The following FRMPD4 variants were observed in gnomAD, a reference collection of about 807,000 sequenced individuals.
FRMPD4 encodes the protein FERM and PDZ domain containing 4.
In FRMPD4, 22 loss-of-function variants were observed where a neutral mutation model predicts 94.1. The observed-to-expected ratio is 0.23, with a 90% CI of 0.17 to 0.33. The LOEUF (loss-of-function observed/expected upper bound fraction) is 0.33. Ranked by LOEUF, FRMPD4 falls within the 10% of genes least tolerant of loss-of-function variation. FRMPD4 has a pLI of 1.00. For missense variants in FRMPD4, 1,111 were observed against 1,339.9 expected, an observed-to-expected ratio of 0.83 and a Z score of 2.67; for synonymous variants, 631 against 548.6, an observed-to-expected ratio of 1.15 and a Z score of -2.10.
intron 3 of FRMPD4, among the ~76,000 whole-genome samples, chrX:11,892,004 T>TTTGA (rs1374184188): frequency 1.8e-5 from 2 of 112,428 alleles, no homozygotes; most frequent in Non-Finnish European, 3.8e-5. Flanking sequence ...CATTTTGTGC[T>TTTGA]TTATCAGAGG....
chrX:11,963,535 T>G (rs866998907), intron 3 of FRMPD4, among the ~76,000 whole-genome samples: 9 of 112,282 alleles, frequency 8.0e-5, no homozygotes, highest in Middle Eastern at 4.6e-3. Flanking sequence ...TCAAATAAAT[T>G]TATTCATCTA....
At chrX:11,956,288 A>G (rs893811351) in intron 3 of FRMPD4, among the ~76,000 whole-genome samples, 10 of 111,208 alleles carry the variant, frequency 9.0e-5, no homozygotes, top group Non-Finnish European at 1.9e-4. Flanking sequence ...TTAGTGCTCC[A>G]TTTTCCCTAC....
chrX:12,657,831 G>C (rs1036796008), intron 4 of FRMPD4, among the ~76,000 whole-genome samples: 7 of 112,534 alleles, frequency 6.2e-5, no homozygotes, highest in African/African-American at 2.3e-4. Context: ...CTAAACTGCA[G>C]GTTCTTAAAT....
At position 11,915,554 on chromosome X, in the gene FRMPD4, A is replaced by G. The variant is rs763309244; in HGVS notation, c.95+37536A>G. Among the ~76,000 whole-genome samples the G allele has an allele frequency of 5.3e-5, 6 of 112,805 alleles. No individual in the cohort carries two copies. The South Asian group carries it at 2.2e-3, about 41-fold the overall frequency. The stretch of plus-strand genomic sequence containing the variant: ...AGCTGTGCTGTCCAATATGGTAGCA[A>G]CTAGCTACATGTGGCTATTTAAATG... On this transcript the variant is annotated intron_variant, in intron 3 of 18. Coordinates refer to the FRMPD4 transcript ENST00000640291.
intron 3 of FRMPD4, among the ~76,000 whole-genome samples, chrX:11,984,564 A>G (rs753739051): frequency 8.9e-6 from 1 of 112,142 alleles, no homozygotes; most frequent in South Asian, 3.7e-4. Context: ...CTTGACTTTA[A>G]TTTTTCAGCC....
intron 3 of FRMPD4, among the ~76,000 whole-genome samples, chrX:11,948,384 A>C (rs1011012641): frequency 2.7e-5 from 3 of 111,335 alleles, no homozygotes; most frequent in Non-Finnish European, 5.7e-5. Context: ...TCTTTTTGCT[A>C]TTTAAGAATG....
intron 1 of FRMPD4, among the ~76,000 whole-genome samples, chrX:12,443,777 G>A (rs180969313): frequency 1.8e-5 from 2 of 111,824 alleles, no homozygotes; most frequent in Admixed American, 1.9e-4. Context: ...AATGTGGGAC[G>A]CAGATGTTTT....
intron 1 of FRMPD4, among the ~76,000 whole-genome samples, chrX:11,831,028 A>G (rs2053471717): frequency 9.1e-6 from 1 of 110,322 alleles, no homozygotes; most frequent in African/African-American, 3.3e-5. Flanking sequence ...GAAATATCTT[A>G]TTTTGATAAA....
intron 3 of FRMPD4, among the ~76,000 whole-genome samples, chrX:11,967,307 G>C (rs137974810): frequency 1.7e-3 from 187 of 111,406 alleles, no homozygotes; most frequent in African/African-American, 5.9e-3. Context: ...TTCCGCTAAT[G>C]ATCTCCCCTA....
chrX:12,224,681 C>T, intron 1 of FRMPD4, among the ~76,000 whole-genome samples: 1 of 111,621 alleles, frequency 9.0e-6, no homozygotes, highest in East Asian at 2.8e-4. Context: ...CCACAAGTCT[C>T]TCTCAGTAAG....
chrX:12,083,635 C>G (rs1043519012), intron 3 of FRMPD4, among the ~76,000 whole-genome samples: 7 of 112,513 alleles, frequency 6.2e-5, no homozygotes, highest in Middle Eastern at 4.6e-3. Flanking sequence ...CATAGACACT[C>G]AATGCCAGCC....
At chrX:12,283,815 T>G (rs2054561527) in intron 1 of FRMPD4, among the ~76,000 whole-genome samples, 2 of 111,728 alleles carry the variant, frequency 1.8e-5, no homozygotes, top group Admixed American at 9.5e-5. Flanking sequence ...AAATCTCCAT[T>G]TGAATGAAGA....
upstream of FRMPD4, among the ~76,000 whole-genome samples, chrX:12,138,225 C>T (rs765922438): frequency 8.9e-6 from 1 of 112,814 alleles, no homozygotes; most frequent in East Asian, 2.8e-4. Context: ...ATCCCTGCTC[C>T]TTCCGAACGC....
chrX:12,540,557 G>C (rs1195091434), intron 2 of FRMPD4, among the ~76,000 whole-genome samples: 2 of 111,877 alleles, frequency 1.8e-5, no homozygotes, highest in Non-Finnish European at 3.8e-5. Flanking sequence ...AAATATATAT[G>C]CACCCAACAC....
upstream of FRMPD4, among the ~76,000 whole-genome samples, chrX:12,133,514 T>G (rs967734030): frequency 4.5e-5 from 5 of 111,581 alleles, no homozygotes; most frequent in Non-Finnish European, 9.4e-5. Flanking sequence ...AGCCTCAACC[T>G]CCTGGGCTCA....
At chrX:11,858,296 T>G (rs1020131668) in intron 1 of FRMPD4, among the ~76,000 whole-genome samples, 12 of 111,799 alleles carry the variant, frequency 1.1e-4, no homozygotes, top group Admixed American at 6.7e-4. Context: ...AGACATGGAA[T>G]CAACCTAAGA....
intron 3 of FRMPD4, among the ~76,000 whole-genome samples, chrX:11,975,264 A>G (rs1271182158): frequency 8.9e-6 from 1 of 112,534 alleles, no homozygotes; most frequent in Non-Finnish European, 1.9e-5. Context: ...AATCCAAAGG[A>G]GGTGATATCA....
chrX:12,654,311 A>G (rs978073868), intron 4 of FRMPD4, among the ~76,000 whole-genome samples: 46 of 111,174 alleles, frequency 4.1e-4, no homozygotes, highest in African/African-American at 1.5e-3. Context: ...TTCTTTTTCA[A>G]TTTGTCCCTC....
chrX:12,250,606 G>A (rs1470242191), intron 1 of FRMPD4, among the ~76,000 whole-genome samples: 1 of 112,070 alleles, frequency 8.9e-6, no homozygotes, highest in African/African-American at 3.2e-5. Flanking sequence ...ATAGAATGAT[G>A]AATAATATAG....
Sources: allele counts gnomAD v4.1 joint callset (sites outside exome capture counted in the v4.1 genomes callset), GRCh38; gene constraint gnomAD v4.1.1; transcripts MANE v1.5; gene names NCBI Gene and HGNC (gene_info 2026-07-23, HGNC 2026-07-21).